USH2A: variants seen among roughly 807,000 people sequenced by gnomAD.
The protein encoded by USH2A is Usher syndrome 2A (autosomal recessive, mild).
Under a neutral mutation model 538.9 loss-of-function variants are expected in USH2A, and 443 were observed. The observed-to-expected ratio is 0.82, with a 90% CI of 0.76 to 0.89. The LOEUF (loss-of-function observed/expected upper bound fraction) is 0.89, where lower values mean the gene tolerates loss of function less well. Ranked by LOEUF, USH2A falls within the 40% of genes least tolerant of loss-of-function variation. The pLI, the probability that USH2A is intolerant of heterozygous loss-of-function variation, is 0.00. For synonymous variants in USH2A, 2,413 were observed against 2,273.5 expected (o/e 1.06, Z -1.75); for missense variants, 6,633 against 6,324.8 (o/e 1.05, Z -1.65).
At chr1:215,631,907 G>A (rs1319720639) in intron 70 of USH2A, among the ~76,000 whole-genome samples, 1 of 152,174 alleles carries the variant, frequency 6.6e-6, no homozygotes, top group Non-Finnish European at 1.5e-5. Context: ...TAGCCTGTGT[G>A]GTGTCAGGAC....
At position 215,655,725 on chromosome 1, in the gene USH2A, C is replaced by CTTTTTTTTTTTTTTTTTTTTTTTTT. The variant is rs766225635; in HGVS notation, c.14134-4925_14134-4924insAAAAAAAAAAAAAAAAAAAAAAAAA. On this transcript the variant is annotated intron_variant, in intron 64 of 71. Transcript: ENST00000307340. ...TGCTTCTGTTACTGTGCTAGTTATT[C>CTTTTTTTTTTTTTTTTTTTTTTTTT]TTTTTTTTTTTTTTTTTTTTTTTTC... is the stretch of plus-strand genomic sequence containing the variant. 8.3e-5 allele frequency among the ~76,000 whole-genome samples: 8 copies of CTTTTTTTTTTTTTTTTTTTTTTTTT among 96,190 alleles called. 1 individual carries two copies. The highest frequency in any genetic ancestry group is 2.7e-4 in the African/African-American group (7 of 25,936). 63.1% of individuals were successfully genotyped at this position (96,190 alleles called of 152,430 possible). A position where few individuals can be genotyped will look rare whatever the true frequency, so the allele number is the denominator to read the frequency against.
At chr1:215,825,987 TA>T (rs1218143694) in intron 47 of USH2A, among the ~76,000 whole-genome samples, 2 of 152,192 alleles carry the variant, frequency 1.3e-5, no homozygotes, top group African/African-American at 4.8e-5. Context: ...AGGGAACTCT[TA>T]AATTTGGCAG....
At position 215,867,174 on chromosome 1, in the gene USH2A, A is replaced by C; in HGVS notation, c.8682-4T>G. 6.2e-7 allele frequency: 1 copy of C among 1,613,646 alleles called. No homozygotes were observed. Among genetic ancestry groups the C allele is most frequent in the Non-Finnish European group, 8.5e-7 (1 of 1,179,670 alleles). The stretch of plus-strand genomic sequence containing the variant: ...CATATATTCATAGGTTGTAAACCTA[A>C]AATGTTGTTTTGTTAAAAAAAGTAT... On this transcript the variant is annotated splice_region_variant and splice_polypyrimidine_tract_variant and intron_variant, in intron 43 of 71. Transcript: ENST00000307340.
In USH2A at chr1:215,844,446, C is replaced by T; in HGVS notation, c.9106G>A (p.Val3036Ile). The T allele has an allele frequency of 1.9e-6, 3 of 1,612,774 alleles. No homozygotes were observed. The highest frequency in any genetic ancestry group is 2.5e-6 in the Non-Finnish European group (3 of 1,179,854). ...PEVVIINSTA[V>I]RVIWTSPSNP... Reference sequence around the variant, plus strand: ...GAAGGAGATGTCCAGATGACACGTACAGCTGTACTGTTGATGATGACAACC... The same window carrying T: ...GAAGGAGATGTCCAGATGACACGTATAGCTGTACTGTTGATGATGACAACC... The change falls in exon 46 of 72, where the codon GTA becomes ATA. Residue 3036 changes from valine (V) to isoleucine (I), a missense_variant. Transcript: ENST00000307340.
intron 54 of USH2A, among the ~76,000 whole-genome samples, chr1:215,780,467 C>T (rs139404067): frequency 1.3e-5 from 2 of 152,300 alleles, no homozygotes; most frequent in African/African-American, 4.8e-5. Context: ...TCTGAACTTG[C>T]TTGCATACAA....
intron 65 of USH2A, among the ~76,000 whole-genome samples, chr1:215,649,750 C>G (rs1179874350): frequency 6.6e-6 from 1 of 152,140 alleles, no homozygotes; most frequent in Non-Finnish European, 1.5e-5. Flanking sequence ...CTAAATAATG[C>G]ATAGTGTAAT....
intron 44 of USH2A, among the ~76,000 whole-genome samples, chr1:215,860,321 C>A (rs767721151): frequency 1.9e-4 from 29 of 152,294 alleles, no homozygotes; most frequent in South Asian, 4.1e-4. Context: ...TAGAGGTCAG[C>A]AAGCTATGTT....
intron 21 of USH2A, among the ~76,000 whole-genome samples, chr1:216,116,831 GA>G (rs374974685): frequency 1.3e-5 from 2 of 149,780 alleles, no homozygotes; most frequent in South Asian, 2.1e-4. Flanking sequence ...ATGACAGAAG[GA>G]AAAAAAAAGC....
chr1:215,715,971 G>A (rs528574581), intron 61 of USH2A, among the ~76,000 whole-genome samples: 12 of 152,130 alleles, frequency 7.9e-5, no homozygotes, highest in Non-Finnish European at 1.0e-4. Context: ...CATCTCCTAC[G>A]GAATGGTAAA....
intron 15 of USH2A, among the ~76,000 whole-genome samples, chr1:216,211,028 A>G (rs2035231006): frequency 6.6e-6 from 1 of 151,856 alleles, no homozygotes; most frequent in Middle Eastern, 3.4e-3. Flanking sequence ...TGGTGGGGGT[A>G]CAGGGAGAGC....
intron 58 of USH2A, among the ~76,000 whole-genome samples, chr1:215,746,435 T>C (rs533391161): frequency 7.1e-6 from 1 of 140,742 alleles, no homozygotes; most frequent in South Asian, 2.2e-4. Flanking sequence ...TAATAATAAA[T>C]AATGCTGTAC....
Position 216,086,743 on chromosome 1 carries a change from A to C in USH2A, c.4963T>G (p.Tyr1655Asp). The change falls in exon 24 of 72, where the codon TAT (tyrosine) becomes GAT (aspartate). Residue 1655 changes from tyrosine (Y) to aspartate (D), a missense_variant. Coordinates refer to ENST00000307340, the MANE Select transcript of USH2A (RefSeq NM_206933.4). Reference protein sequence around the residue: ...GVFLGGLPRSYTILRKDPEII... With the variant: ...GVFLGGLPRSDTILRKDPEII... ...CCAGGATCCTTCCTGAGGATGGTAT[A>C]ACTTCGCGGGAGCCCTCCCAGAAAG... The C allele has an allele frequency of 6.2e-7, 1 of 1,612,906 alleles. No individual in the cohort carries two copies. Among genetic ancestry groups the C allele is most frequent in the Non-Finnish European group, 8.5e-7 (1 of 1,179,278 alleles).
At chr1:216,148,197 A>T (rs2033752856) in intron 21 of USH2A, among the ~76,000 whole-genome samples, 1 of 151,598 alleles carries the variant, frequency 6.6e-6, no homozygotes, top group Non-Finnish European at 1.5e-5. Flanking sequence ...GTGGGTATTG[A>T]TGGCCAGGCT....
rs536825423 is a variant in USH2A at position 216,175,083 on chromosome 1, AT to A, written c.4627+168del. ...CACTTACCTGACTTTTTTCCCCAGA[AT>A]TCTAAAAAGATGGACATGCTGAAAC... On this transcript the variant is annotated intron_variant, in intron 21 of 71. Coordinates refer to ENST00000307340, the MANE Select transcript of USH2A (RefSeq NM_206933.4). The A allele has an allele frequency of 2.8e-4, 408 of 1,449,260 alleles. 1 individual carries two copies. The South Asian group carries it at 3.3e-3, about 12-fold the overall frequency. 89.8% of individuals were successfully genotyped at this position (1,449,260 alleles called of 1,614,324 possible). A position where few individuals can be genotyped will look rare whatever the true frequency, so the allele number is the denominator to read the frequency against.
intron 9 of USH2A, among the ~76,000 whole-genome samples, chr1:216,301,669 A>G (rs1396412023): frequency 6.6e-6 from 1 of 152,210 alleles, no homozygotes; most frequent in African/African-American, 2.4e-5. Context: ...TGCCTATGTG[A>G]GAAGGAGAGA....
intron 56 of USH2A, among the ~76,000 whole-genome samples, chr1:215,763,416 T>C (rs1661036406): frequency 6.6e-6 from 1 of 151,978 alleles, no homozygotes; most frequent in Non-Finnish European, 1.5e-5. Flanking sequence ...GTGAACCAAG[T>C]TTTGAAAAGG....
At chr1:215,711,031 C>T (rs1659325460) in intron 61 of USH2A, among the ~76,000 whole-genome samples, 1 of 151,912 alleles carries the variant, frequency 6.6e-6, no homozygotes, top group Non-Finnish European at 1.5e-5. Context: ...CGCTTTCTTC[C>T]AACTTCTTCT....
intron 64 of USH2A, among the ~76,000 whole-genome samples, chr1:215,662,030 T>A (rs1355683476): frequency 6.6e-6 from 1 of 152,210 alleles, no homozygotes; most frequent in Non-Finnish European, 1.5e-5. Context: ...GTGCATGGAT[T>A]TTAGCCTCCT....
chr1:215,772,621 A>T (rs765169748), intron 55 of USH2A, among the ~76,000 whole-genome samples: 51 of 152,202 alleles, frequency 3.4e-4, no homozygotes, highest in Non-Finnish European at 5.7e-4. Flanking sequence ...AACAAAACCC[A>T]TGTCTATGAA....
Sources: allele counts gnomAD v4.1 joint callset (sites outside exome capture counted in the v4.1 genomes callset), GRCh38; gene constraint gnomAD v4.1.1; transcripts MANE v1.5; gene names NCBI Gene and HGNC (gene_info 2026-07-23, HGNC 2026-07-21).